The following CCPG1 variants were observed in gnomAD, a reference collection of about 807,000 sequenced individuals.
CCPG1 encodes the protein cell cycle progression protein 1.
CCPG1 carries 46 observed loss-of-function variants against 81.3 expected under a neutral mutation model. The observed-to-expected ratio is 0.57, with a 90% CI of 0.45 to 0.72. The LOEUF (loss-of-function observed/expected upper bound fraction) is 0.72, where lower values mean the gene tolerates loss of function less well. Among genes scored for constraint, CCPG1 ranks in the 30% least tolerant of loss-of-function variants. CCPG1 has a pLI of 0.00. For synonymous variants in CCPG1, 330 were observed against 305.2 expected (o/e 1.08, Z -0.85); for missense variants, 902 against 937.6 (o/e 0.96, Z 0.50).
At chr15:55,381,375 G>A (rs949091966) in intron 3 of CCPG1, among the ~76,000 whole-genome samples, 1 of 152,026 alleles carries the variant, frequency 6.6e-6, no homozygotes, top group Non-Finnish European at 1.5e-5. Context: ...GGAGGTTACA[G>A]TGAGCTGAGA....
intron 3 of CCPG1, among the ~76,000 whole-genome samples, chr15:55,384,722 A>T (rs912933963): frequency 6.6e-6 from 1 of 152,178 alleles, no homozygotes; most frequent in African/African-American, 2.4e-5. Context: ...ACACAGAGAC[A>T]TGAAGTGGGC....
chr15:55,372,911 G>A (rs758610766), intron 5 of CCPG1: 8 of 533,888 alleles, frequency 1.5e-5, no homozygotes, highest in Non-Finnish European at 3.1e-5. Flanking sequence ...TCAAAGCACT[G>A]TATTTTAACA....
intron 5 of CCPG1, chr15:55,374,341 T>C: frequency 1.6e-6 from 1 of 610,076 alleles, no homozygotes; most frequent in South Asian, 1.7e-5. Context: ...TAATTATCAC[T>C]TAACATTGTT....
At chr15:55,387,633 C>T (rs1415657113) in intron 2 of CCPG1, among the ~76,000 whole-genome samples, 1 of 151,864 alleles carries the variant, frequency 6.6e-6, no homozygotes, top group South Asian at 2.1e-4. Flanking sequence ...CAACCTCCGC[C>T]TCCCAGGTTC....
intron 3 of CCPG1, 130 bp from the exon 4 acceptor site, chr15:55,378,506 T>C (rs1566974293): frequency 1.5e-5 from 8 of 534,182 alleles, no homozygotes; most frequent in Non-Finnish European, 2.3e-5. Flanking sequence ...TAATGAAATG[T>C]CACATACAAT....
chr15:55,391,361 C>T (rs985846152), intron 1 of CCPG1, among the ~76,000 whole-genome samples: 2 of 152,204 alleles, frequency 1.3e-5, no homozygotes. Context: ...AGCAATCCGC[C>T]CTCCTCAGCT....
chr15:55,391,097 C>T (rs1338317971), intron 1 of CCPG1, among the ~76,000 whole-genome samples: 1 of 152,170 alleles, frequency 6.6e-6, no homozygotes, highest in Non-Finnish European at 1.5e-5. Flanking sequence ...TTTATTTCAG[C>T]ATTCTTTATT....
chr15:55,374,268 GA>G (rs1440513374), intron 5 of CCPG1: 2 of 1,192,134 alleles, frequency 1.7e-6, no homozygotes, highest in Non-Finnish European at 2.2e-6. Context: ...GAATAAACAG[GA>G]AAAAAAGAGG....
At position 55,376,986 on chromosome 15, in the gene CCPG1, G is replaced by C. The variant is rs367992173; in HGVS notation, c.417C>G (p.Ser139=). The C allele has an allele frequency of 3.1e-6, 5 of 1,613,560 alleles. No individual in the cohort carries two copies. Among genetic ancestry groups the C allele is most frequent in the Non-Finnish European group, 4.2e-6 (5 of 1,179,934 alleles). Reference sequence around the variant, plus strand: ...GACAGAAAGTATACTGGCTGCTAGAGGAAGAGCCCATGTTAAAGTCTTCTG... The same window carrying C: ...GACAGAAAGTATACTGGCTGCTAGACGAAGAGCCCATGTTAAAGTCTTCTG... ...QSSEDFNMGS[S]SSSQYTFCQP... The change falls in exon 5 of 9, where the codon TCC becomes TCG. Residue 139 remains serine, a synonymous_variant. Coordinates refer to ENST00000442196, the MANE Select transcript of CCPG1 (RefSeq NM_001204450.2).
chr15:55,381,805 A>T (rs1002158742), intron 3 of CCPG1, among the ~76,000 whole-genome samples: 4 of 79,538 alleles, frequency 5.0e-5, no homozygotes, highest in Admixed American at 2.1e-4. Context: ...TCCCATGTGA[A>T]GTATACATAA....
chr15:55,366,887 G>A (rs943295449), intron 6 of CCPG1, among the ~76,000 whole-genome samples: 4 of 152,070 alleles, frequency 2.6e-5, no homozygotes, highest in Non-Finnish European at 4.4e-5. Flanking sequence ...AAAAAACCAC[G>A]AAATCAAAAA....
chr15:55,366,686 C>T (rs946193138), intron 6 of CCPG1, among the ~76,000 whole-genome samples: 15 of 152,074 alleles, frequency 9.9e-5, no homozygotes, highest in African/African-American at 2.9e-4. Context: ...GCAGGAGAAT[C>T]GCTTAAACCC....
intron 4 of CCPG1, among the ~76,000 whole-genome samples, 195 bp downstream of exon 4, chr15:55,378,105 G>T (rs572154397): frequency 6.6e-6 from 1 of 152,146 alleles, no homozygotes; most frequent in South Asian, 2.1e-4. Flanking sequence ...AATTATATTA[G>T]AGGTGAAAAG....
chr15:55,374,064 G>T, intron 5 of CCPG1: 1 of 646,950 alleles, frequency 1.5e-6, no homozygotes, highest in Non-Finnish European at 2.4e-6. Context: ...TATTGCGGAT[G>T]ACAACAGGTA....
chr15:55,397,986 A>AAG lies in CCPG1; in HGVS notation c.-9-8554_-9-8553insCT, dbSNP rs1555410349. ...AACAAGACTCCATCTCAAGAAAAAA[A>AAG]AAGAAGAAGAAAAGGAAACCAGCAA... On this transcript the variant is annotated intron_variant, in intron 1 of 8. Coordinates refer to ENST00000442196, the MANE Select transcript of CCPG1 (RefSeq NM_001204450.2). Among the ~76,000 whole-genome samples, 16 of 151,612 alleles carry AAG rather than the reference A, an allele frequency of 1.1e-4. No individual in the cohort carries two copies. In the East Asian group the frequency reaches 1.8e-3, roughly 17 times the overall value.
intron 7 of CCPG1, among the ~76,000 whole-genome samples, chr15:55,362,630 G>A (rs1364403227): frequency 1.3e-5 from 2 of 152,152 alleles, no homozygotes; most frequent in South Asian, 2.1e-4. Flanking sequence ...AGCATTCCTC[G>A]TGCAGTAAAT....
chr15:55,398,314 T>A (rs12914468), intron 1 of CCPG1: 2 of 152,140 alleles, frequency 1.3e-5, no homozygotes, highest in Non-Finnish European at 2.9e-5. Flanking sequence ...TAGAACTAGA[T>A]AAGATGGAGA....
intron 1 of CCPG1, among the ~76,000 whole-genome samples, chr15:55,402,376 C>T (rs559108103): frequency 2.6e-5 from 4 of 152,098 alleles, no homozygotes; most frequent in African/African-American, 7.2e-5. Flanking sequence ...TACAGGTACA[C>T]ACCACCAAGT....
chr15:55,380,869 G>C (rs1455771473), intron 3 of CCPG1, among the ~76,000 whole-genome samples: 2 of 151,808 alleles, frequency 1.3e-5, no homozygotes, highest in Non-Finnish European at 2.9e-5. Context: ...CGGGCGCGGC[G>C]GCTCACGCCT....
Sources: allele counts gnomAD v4.1 joint callset (sites outside exome capture counted in the v4.1 genomes callset), GRCh38; gene constraint gnomAD v4.1.1; transcripts MANE v1.5; gene names NCBI Gene and HGNC (gene_info 2026-07-23, HGNC 2026-07-21).